POLR1E: variants seen among roughly 807,000 people sequenced by gnomAD.
POLR1E encodes the protein DNA-directed RNA polymerase I subunit RPA49.
POLR1E carries 37 observed loss-of-function variants against 50.9 expected under a neutral mutation model. The observed-to-expected ratio is 0.73, with a 90% confidence interval of 0.56 to 0.96. POLR1E has a LOEUF of 0.96. Among genes scored for constraint, POLR1E ranks in the 40% least tolerant of loss-of-function variants. The pLI is 0.00. For missense variants in POLR1E, 426 were observed against 518.1 expected (o/e 0.82, Z 1.73); for synonymous variants, 166 against 191.6 (o/e 0.87, Z 1.10).
chr9:37,496,057 A>G (rs920104822), intron 8 of POLR1E, 71 bp downstream of exon 8: 159 of 1,125,772 alleles, frequency 1.4e-4, no homozygotes, highest in East Asian at 2.6e-4. Context: ...GACACTGTGC[A>G]GGTCCTCTGG....
intron 8 of POLR1E, among the ~76,000 whole-genome samples, chr9:37,496,614 TTA>T (rs1287630148): frequency 0.02 from 1,679 of 85,224 alleles, 37 homozygotes; most frequent in African/African-American, 0.079. Flanking sequence ...GGAATTATTA[TTA>T]TTATTTCTTT....
intron 11 of POLR1E, among the ~76,000 whole-genome samples, chr9:37,502,621 A>G (rs1043543794): frequency 5.9e-5 from 9 of 152,220 alleles, no homozygotes; most frequent in Admixed American, 5.2e-4. Flanking sequence ...TGGACTCTCT[A>G]GCAGTCCGTG....
chr9:37,492,796 T>C, intron 5 of POLR1E, 81 bp downstream of exon 5: 1 of 1,282,398 alleles, frequency 7.8e-7, no homozygotes. Context: ...GAAATGAGCT[T>C]GTTGAACTCA....
intron 9 of POLR1E, among the ~76,000 whole-genome samples, chr9:37,498,644 G>T (rs957465274): frequency 1.3e-5 from 2 of 152,232 alleles, no homozygotes; most frequent in African/African-American, 2.4e-5. Flanking sequence ...TTGAAGGCTT[G>T]TGGCAGGTTT....
At chr9:37,494,950 G>A (rs1243934106) in intron 6 of POLR1E, among the ~76,000 whole-genome samples, 1 of 152,188 alleles carries the variant, frequency 6.6e-6, no homozygotes, top group Non-Finnish European at 1.5e-5. Context: ...GGGGAATCTT[G>A]TCACCTCCAC....
Position 37,485,973 on chromosome 9 carries a change from G to A in POLR1E, c.-75G>A, listed in dbSNP as rs980962318. 4 of 1,538,354 alleles carry A rather than the reference G, an allele frequency of 2.6e-6. No individual in the cohort carries two copies. The highest frequency in any genetic ancestry group is 3.5e-6 in the Non-Finnish European group (4 of 1,134,376). The stretch of plus-strand genomic sequence containing the variant: ...CTTTTCCGGCCCGCAGCGCGGCCTG[G>A]GCTCCCGCGTGTTTAAAAGTGCGCT... On this transcript the variant is annotated 5_prime_UTR_variant, in exon 1 of 12. Coordinates refer to ENST00000377798, the MANE Select transcript of POLR1E (RefSeq NM_022490.4).
chr9:37,486,068 G>A lies in POLR1E; in HGVS notation c.21G>A (p.Pro7=), dbSNP rs756369126. 1 of 1,602,934 alleles carries A rather than the reference G, an allele frequency of 6.2e-7. No individual in the cohort carries two copies. The highest frequency in any genetic ancestry group is 8.5e-7 in the Non-Finnish European group (1 of 1,176,232). Residue 7 remains proline, a synonymous_variant, in exon 1 of 12, where the codon CCG becomes CCA. Transcript: ENST00000377798. ...GCGAGATGGCGGCGGAGGTGTTGCC[G>A]AGTGCGAGGTGGCAGTATTGTGGGG... MAAEVL[P]SARWQYCGAP...
chr9:37,500,673 G>A (rs894427096), intron 9 of POLR1E, among the ~76,000 whole-genome samples, 167 bp from the exon 10 acceptor site: 6 of 152,182 alleles, frequency 3.9e-5, no homozygotes, highest in African/African-American at 1.4e-4. Context: ...CACCAAGCAT[G>A]TTTTCATTTT....
intron 4 of POLR1E, among the ~76,000 whole-genome samples, chr9:37,491,505 C>T (rs1236573509): frequency 1.3e-5 from 2 of 151,360 alleles, no homozygotes; most frequent in South Asian, 4.2e-4. Flanking sequence ...GCTTTGTCAC[C>T]CAGGCTGGAG....
chr9:37,487,743 A>G, intron 2 of POLR1E, 120 bp from the exon 3 acceptor site: 2 of 918,824 alleles, frequency 2.2e-6, no homozygotes, highest in Non-Finnish European at 3.5e-6. Flanking sequence ...CCAGAGATGA[A>G]CTAGTTCTAA....
Position 37,486,028 on chromosome 9 carries a change from T to A in POLR1E, c.-20T>A. 6.3e-7 allele frequency: 1 copy of A among 1,593,814 alleles called. No individual in the cohort carries two copies. The highest frequency in any genetic ancestry group is 8.5e-7 in the Non-Finnish European group (1 of 1,172,162). On this transcript the variant is annotated 5_prime_UTR_variant, in exon 1 of 12. The change creates a new upstream start codon in the 5' untranslated region. Transcript: ENST00000377798. ...GCTGCTGCTGTCTTAACTCCTGTGC[T>A]TGGCGGACAGACAGGCGAGATGGCG...
chr9:37,495,358 T>C, intron 7 of POLR1E, 82 bp downstream of exon 7: 2 of 1,151,156 alleles, frequency 1.7e-6, no homozygotes, highest in African/African-American at 3.0e-5. Context: ...TCTCTGAGGG[T>C]GTCTGTGTTC....
At chr9:37,487,657 C>G (rs1025406743) in intron 2 of POLR1E, among the ~76,000 whole-genome samples, 1 of 152,222 alleles carries the variant, frequency 6.6e-6, no homozygotes, top group Admixed American at 6.5e-5. Flanking sequence ...TCTGAGGCTT[C>G]TCTTCCAGAA....
At chr9:37,500,752 C>T in intron 9 of POLR1E, 88 bp from the exon 10 acceptor site, 2 of 1,016,636 alleles carry the variant, frequency 2.0e-6, no homozygotes, top group Non-Finnish European at 3.1e-6. Flanking sequence ...TGCAGTGGCC[C>T]AGCTGTTGGC....
rs1450469456 is a variant in POLR1E, at chr9:37,492,520, C to T, written c.344-137C>T. 4.4e-5 allele frequency: 39 copies of T among 881,378 alleles called. No individual in the cohort carries two copies. The South Asian group carries it at 6.0e-4, about 13-fold the overall frequency. 54.6% of individuals were successfully genotyped at this position (881,378 alleles called of 1,614,324 possible). Reference sequence around the variant, plus strand: ...GCATATTAAATATTCACAGTATACACTCATGTTAGGCTCAGGGAAGTCCTA... The same window carrying T: ...GCATATTAAATATTCACAGTATACATTCATGTTAGGCTCAGGGAAGTCCTA... On this transcript the variant is annotated intron_variant, in intron 4 of 11. Transcript: ENST00000377798.
rs1820562544 is a variant in POLR1E at position 37,485,975 on chromosome 9, C to T, written c.-73C>T. 1 of 1,541,104 alleles carries T rather than the reference C, an allele frequency of 6.5e-7. No homozygotes were observed. ...TTTCCGGCCCGCAGCGCGGCCTGGG[C>T]TCCCGCGTGTTTAAAAGTGCGCTTG... On this transcript the variant is annotated 5_prime_UTR_variant, in exon 1 of 12. Coordinates refer to ENST00000377798, the MANE Select transcript of POLR1E (RefSeq NM_022490.4).
chr9:37,499,889 C>T (rs145540363), intron 9 of POLR1E, among the ~76,000 whole-genome samples: 6,296 of 150,692 alleles, frequency 0.042, 414 homozygotes, highest in African/African-American at 0.14. Flanking sequence ...CTCGCTCTGT[C>T]GCCCAGGCTG....
intron 8 of POLR1E, among the ~76,000 whole-genome samples, chr9:37,497,378 A>AAAC (rs1564325140): frequency 2.6e-5 from 4 of 152,102 alleles, no homozygotes; most frequent in African/African-American, 9.7e-5. Flanking sequence ...AACAAACAAA[A>AAAC]AAAGAAACTT....
intron 1 of POLR1E, 182 bp from the exon 2 acceptor site, chr9:37,486,521 C>T (rs923336175): frequency 1.3e-6 from 2 of 1,560,448 alleles, no homozygotes; most frequent in Non-Finnish European, 8.7e-7. Flanking sequence ...TCTCCCACCT[C>T]CCTACCTCCT....
Sources: gnomAD v4.1 joint callset for allele counts (sites outside exome capture counted in the v4.1 genomes callset) on GRCh38, gnomAD v4.1.1 for gene constraint, MANE v1.5 for transcripts, NCBI Gene and HGNC (gene_info 2026-07-23, HGNC 2026-07-21) for gene names.